Variants in ENPP4 observed in about 807,000 individuals in gnomAD.
The protein encoded by ENPP4 is bis(5'-adenosyl)-triphosphatase ENPP4.
In ENPP4, 18 loss-of-function variants were observed where a neutral mutation model predicts 33.4. That is an observed-to-expected ratio of 0.54 (90% CI 0.37 to 0.80). ENPP4 has a LOEUF of 0.80. ENPP4 is among the 30% of genes least tolerant of loss of function. ENPP4 has a pLI of 0.00. For missense variants in ENPP4, 480 were observed against 541.7 expected (o/e 0.89, Z 1.13); for synonymous variants, 172 against 189.9 (o/e 0.91, Z 0.78).
intron 1 of ENPP4, among the ~76,000 whole-genome samples, chr6:46,134,038 A>C (rs1763940905): frequency 6.6e-6 from 1 of 152,170 alleles, no homozygotes; most frequent in African/African-American, 2.4e-5. Flanking sequence ...CATCATAAGC[A>C]AAGTCATATG....
At position 46,141,105 on chromosome 6, in the gene ENPP4, T is replaced by TA. The variant is rs1340292795; in HGVS notation, c.881dup (p.Tyr294Ter). The change falls in exon 3 of 4, where the codon TAT becomes TAAT. Residue 294 changes from tyrosine (Y) to a stop codon, truncating the protein, a stop_gained and frameshift_variant. Transcript: ENST00000321037. LOFTEE classifies it high-confidence loss of function. ...AAACTGTAGCCCTCATATGAATGTTTATCTCAAAGAAGACATTCCTAACAG... is the reference window on the plus strand; with the variant it reads ...AAACTGTAGCCCTCATATGAATGTTTAATCTCAAAGAAGACATTCCTAACAG... ...LKNCSPHMNV[Y>*]LKEDIPNRFY... 1 of 1,607,844 alleles carries TA rather than the reference T, an allele frequency of 6.2e-7. No homozygotes were observed.
In ENPP4 at chr6:46,144,699, GAAT is replaced by G. The variant is rs1764118744; in HGVS notation, c.*1060_*1062del. ...TACAAATCTCAATTTGACTGGGACA[GAAT>G]GAGGAATGGAGATTTTTGTATTTAT... On this transcript the variant is annotated 3_prime_UTR_variant, in exon 4 of 4. Transcript: ENST00000321037. 2.9e-6 allele frequency: 1 copy of G among 349,510 alleles called. No individual in the cohort carries two copies. Among genetic ancestry groups the G allele is most frequent in the East Asian group, 4.2e-5 (1 of 23,974 alleles). The allele number at this position is 349,510 out of a possible 1,614,324, so 21.7% of individuals were successfully genotyped here. A position where few individuals can be genotyped will look rare whatever the true frequency, so the allele number is the denominator to read the frequency against.
chr6:46,136,844 A>T (rs1256340375), intron 1 of ENPP4, among the ~76,000 whole-genome samples: 1 of 151,892 alleles, frequency 6.6e-6, no homozygotes, highest in Admixed American at 6.6e-5. Context: ...GTAGAGATGG[A>T]TGAGTGGGTA....
chr6:46,135,365 G>C (rs768708041), intron 1 of ENPP4, among the ~76,000 whole-genome samples: 1 of 151,804 alleles, frequency 6.6e-6, no homozygotes, highest in Non-Finnish European at 1.5e-5. Context: ...CTCATCCTTC[G>C]GGGTGTGAAA....
rs746967697 is a variant in ENPP4 at position 46,141,198 on chromosome 6, G to A, written c.973G>A (p.Val325Met). Residue 325 changes from valine (V) to methionine (M), a missense_variant, in exon 3 of 4, where the codon GTG becomes ATG. Around this residue, in one of 3 missense-constraint regions of ENPP4, gnomAD observed 249 missense variants for 251.8 expected, o/e 0.99. Transcript: ENST00000321037. ...GGTTGCCGATGAAGGCTGGACAATT[G>A]TGCTAAATGAATCATCACAAAAATG... ...ILVADEGWTIVLNESSQKLGD... is the reference protein window; with the variant it reads ...ILVADEGWTIMLNESSQKLGD... The A allele has an allele frequency of 1.2e-6, 2 of 1,608,154 alleles. No individual in the cohort carries two copies. Among genetic ancestry groups the A allele is most frequent in the South Asian group, 2.2e-5 (2 of 90,654 alleles).
chr6:46,145,896 A>C lies in ENPP4; in HGVS notation c.*2256A>C, dbSNP rs1473553642. On this transcript the variant is annotated 3_prime_UTR_variant, in exon 4 of 4. Coordinates refer to ENST00000321037, the MANE Select transcript of ENPP4 (RefSeq NM_014936.5). ...ATTATATTGAACTATGTGTTAATTCATTTGTATCTTTTAAAAAATTATCAC... is the reference window on the plus strand; with the variant it reads ...ATTATATTGAACTATGTGTTAATTCCTTTGTATCTTTTAAAAAATTATCAC... The C allele has an allele frequency of 1.3e-5, 2 of 151,924 alleles. No individual in the cohort carries two copies. Among genetic ancestry groups the C allele is most frequent in the Non-Finnish European group, 2.9e-5 (2 of 67,878 alleles). The allele number at this position is 151,924 out of a possible 1,614,324, so 9.4% of individuals were successfully genotyped here. A position where few individuals can be genotyped will look rare whatever the true frequency, so the allele number is the denominator to read the frequency against.
chr6:46,133,392 T>C (rs936989744), intron 1 of ENPP4, among the ~76,000 whole-genome samples: 3 of 152,196 alleles, frequency 2.0e-5, no homozygotes, highest in Admixed American at 6.5e-5. Flanking sequence ...AATAAAGTTT[T>C]TAAAGGTGTA....
rs1764144256 is a variant in ENPP4 at position 46,146,663 on chromosome 6, T to A, written c.*3023T>A. The A allele has an allele frequency of 6.6e-6, 1 of 152,092 alleles. No homozygotes were observed. The highest frequency in any genetic ancestry group is 2.4e-5 in the African/African-American group (1 of 41,552). 9.4% of individuals were successfully genotyped at this position (152,092 alleles called of 1,614,324 possible). A position where few individuals can be genotyped will look rare whatever the true frequency, so the allele number is the denominator to read the frequency against. ...TGTGTGAATAAAATCTACCAAAAAA[T>A]TCTTACTGTAATTATTAAATATAAA... On this transcript the variant is annotated 3_prime_UTR_variant, in exon 4 of 4. Coordinates refer to ENST00000321037, the MANE Select transcript of ENPP4 (RefSeq NM_014936.5).
chr6:46,143,107 T>TGAGAGA (rs35942390), intron 3 of ENPP4, among the ~76,000 whole-genome samples, 169 bp from the exon 4 acceptor site: 8 of 148,200 alleles, frequency 5.4e-5, no homozygotes, highest in East Asian at 2.0e-4. Flanking sequence ...TGTGTGTATG[T>TGAGAGA]GAGAGAGAGA....
intron 3 of ENPP4, among the ~76,000 whole-genome samples, chr6:46,142,076 G>A (rs529435779): frequency 6.6e-6 from 1 of 151,408 alleles, no homozygotes; most frequent in African/African-American, 2.4e-5. Context: ...CTGATATATA[G>A]CAATTTAGAA....
At chr6:46,134,105 T>G (rs1763942112) in intron 1 of ENPP4, among the ~76,000 whole-genome samples, 1 of 152,182 alleles carries the variant, frequency 6.6e-6, no homozygotes, top group Non-Finnish European at 1.5e-5. Flanking sequence ...ATTTTATAGT[T>G]TCACAATAAT....
rs775423114 is a variant in ENPP4, at chr6:46,146,089, A to C, written c.*2449A>C. ...GAAACATTTACTTGTTTGTGAAAAC[A>C]ATACCCCAAGGTAATAGGAAAAGTT... On this transcript the variant is annotated 3_prime_UTR_variant, in exon 4 of 4. Transcript: ENST00000321037. 6.6e-6 allele frequency: 1 copy of C among 151,886 alleles called. No individual in the cohort carries two copies. Among genetic ancestry groups the C allele is most frequent in the Non-Finnish European group, 1.5e-5 (1 of 67,826 alleles). 9.4% of individuals were successfully genotyped at this position (151,886 alleles called of 1,614,324 possible).
rs757362988 is a variant in ENPP4 at position 46,143,564 on chromosome 6, A to T, written c.1286A>T (p.Gln429Leu). ...TMLTCLIIIM[Q>L]NRLSVPRPFS... ...CTAACATGCCTCATAATAATCATGCAGAATAGACTTTCTGTACCTCGTCCA... is the reference window on the plus strand; with the variant it reads ...CTAACATGCCTCATAATAATCATGCTGAATAGACTTTCTGTACCTCGTCCA... The change falls in exon 4 of 4, where the codon CAG becomes CTG. Residue 429 changes from glutamine to leucine, a missense_variant. By Grantham distance (113) the Gln-to-Leu change is moderately radical. Coordinates refer to ENST00000321037, the MANE Select transcript of ENPP4 (RefSeq NM_014936.5). 6.2e-7 allele frequency: 1 copy of T among 1,612,576 alleles called. No homozygotes were observed. The highest frequency in any genetic ancestry group is 2.2e-5 in the East Asian group (1 of 44,854).
chr6:46,142,788 T>A (rs952600799), intron 3 of ENPP4, among the ~76,000 whole-genome samples: 1 of 151,592 alleles, frequency 6.6e-6, no homozygotes, highest in Non-Finnish European at 1.5e-5. Context: ...TGGGATAGAG[T>A]CACCAGATTA....
chr6:46,132,469 A>G (rs1323860697), intron 1 of ENPP4, among the ~76,000 whole-genome samples: 2 of 152,080 alleles, frequency 1.3e-5, no homozygotes, highest in Non-Finnish European at 2.9e-5. Flanking sequence ...AGTTGTAGAT[A>G]TGCGGCGTTA....
intron 1 of ENPP4, among the ~76,000 whole-genome samples, chr6:46,134,041 G>A (rs1052788834): frequency 2.0e-5 from 3 of 152,126 alleles, no homozygotes; most frequent in Non-Finnish European, 4.4e-5. Context: ...CATAAGCAAA[G>A]TCATATGCAA....
intron 1 of ENPP4, among the ~76,000 whole-genome samples, chr6:46,132,815 CCT>C (rs1763920804): frequency 6.6e-6 from 1 of 151,892 alleles, no homozygotes; most frequent in South Asian, 2.1e-4. Flanking sequence ...TTGTTTGTAT[CCT>C]CTTTTATTTC....
At chr6:46,137,813 A>G (rs953559102) in intron 1 of ENPP4, among the ~76,000 whole-genome samples, 1 of 151,862 alleles carries the variant, frequency 6.6e-6, no homozygotes, top group Non-Finnish European at 1.5e-5. Flanking sequence ...GTAGACCCCA[A>G]GATCCTCATA....
chr6:46,130,126 C>G lies in ENPP4; in HGVS notation c.-97C>G, dbSNP rs770429672. Reference sequence around the variant, plus strand: ...CAGGTCCCCCTTCCCCGCAACTTCCCACGAGTGCCAGGTGCCGCGAGCGCC... The same window carrying G: ...CAGGTCCCCCTTCCCCGCAACTTCCGACGAGTGCCAGGTGCCGCGAGCGCC... On this transcript the variant is annotated 5_prime_UTR_variant, in exon 1 of 4. Coordinates refer to ENST00000321037, the MANE Select transcript of ENPP4 (RefSeq NM_014936.5). 4 of 152,262 alleles carry G rather than the reference C, an allele frequency of 2.6e-5. No individual in the cohort carries two copies. Among genetic ancestry groups the G allele is most frequent in the Non-Finnish European group, 5.9e-5 (4 of 68,078 alleles). 9.4% of individuals were successfully genotyped at this position (152,262 alleles called of 1,614,324 possible).
Sources: gnomAD v4.1 joint callset for allele counts (sites outside exome capture counted in the v4.1 genomes callset) on GRCh38, gnomAD v4.1.1 for gene constraint, gnomAD v4.1.1 regional missense constraint, MANE v1.5 for transcripts, NCBI Gene and HGNC (gene_info 2026-07-23, HGNC 2026-07-21) for gene names.